PDE9A: variants seen among roughly 807,000 people sequenced by gnomAD.
PDE9A encodes high affinity cGMP-specific 3',5'-cyclic phosphodiesterase 9A.
In PDE9A, 60 loss-of-function variants were observed where a neutral mutation model predicts 87.4. The ratio of observed to expected loss-of-function variants is 0.69; its 90% CI spans 0.56 to 0.85. PDE9A has a LOEUF of 0.85. PDE9A is among the 40% of genes least tolerant of loss of function. PDE9A has a pLI of 0.00. For synonymous variants in PDE9A, 272 were observed against 279.4 expected (o/e 0.97, Z 0.27); for missense variants, 665 against 779.0 (o/e 0.85, Z 1.74).
rs775093945 is a variant in PDE9A, at chr21:42,760,857, A to G, written c.1035A>G (p.Leu345=). 1 of 1,611,790 alleles carries G rather than the reference A, an allele frequency of 6.2e-7. No homozygotes were observed. Among genetic ancestry groups the G allele is most frequent in the East Asian group, 2.2e-5 (1 of 44,850 alleles). ...EKFSQTDILI[L]MTAAICHDLD... ...TCTCACAAACGGATATCCTGATCCT[A>G]ATGACAGCGGCCATCTGCCACGATC... Residue 345 remains leucine (L), a synonymous_variant, in exon 13 of 20, where the codon CTA becomes CTG. Transcript: ENST00000291539. The surrounding 1 kb of genome is among the most constrained non-coding windows in gnomAD (Gnocchi z 5.2).
At chr21:42,753,844 AGAGT>A (rs1216056664) in intron 9 of PDE9A, 142 bp from the exon 10 acceptor site, 5 of 531,530 alleles carry the variant, frequency 9.4e-6, no homozygotes, top group African/African-American at 8.1e-5. Context: ...AGCGTGGGCA[AGAGT>A]GAGACTCTAT....
chr21:42,751,340 T>C (rs1422593715), intron 9 of PDE9A, 143 bp downstream of exon 9: 14 of 701,918 alleles, frequency 2.0e-5, no homozygotes, highest in Non-Finnish European at 3.6e-5. Flanking sequence ...CGGTGCGGGT[T>C]ACTTTAAGGC....
chr21:42,661,296 T>C lies in PDE9A; in HGVS notation c.69+7413T>C, dbSNP rs542368132. ...CGCCCGCCTCAGCCTCCCAAAGTGC[T>C]GGGATTATAGGCGTGAGCCACCACG... On this transcript the variant is annotated intron_variant, in intron 1 of 19. Coordinates refer to ENST00000291539, the MANE Select transcript of PDE9A (RefSeq NM_002606.3). 4.6e-5 allele frequency among the ~76,000 whole-genome samples: 7 copies of C among 151,980 alleles called. No individual in the cohort carries two copies. In the South Asian group the frequency reaches 1.5e-3, roughly 32 times the overall value.
At chr21:42,774,626 A>G (rs1002999148) in intron 19 of PDE9A, among the ~76,000 whole-genome samples, 2 of 152,132 alleles carry the variant, frequency 1.3e-5, no homozygotes, top group Non-Finnish European at 2.9e-5. Context: ...TCACACCTGT[A>G]ATCCCAGAAC....
At chr21:42,699,079 A>G in intron 4 of PDE9A, 68 bp downstream of exon 4, 1 of 985,882 alleles carries the variant, frequency 1.0e-6, no homozygotes, top group South Asian at 1.3e-5. Context: ...CCCCTGTGAT[A>G]AAATATATAC....
intron 1 of PDE9A, among the ~76,000 whole-genome samples, chr21:42,667,663 G>C (rs80291704): frequency 0.017 from 2,592 of 152,172 alleles, 90 homozygotes; most frequent in African/African-American, 0.059. Flanking sequence ...ATCACAACAG[G>C]CCTCTTGCAA....
intron 10 of PDE9A, among the ~76,000 whole-genome samples, chr21:42,756,124 C>T (rs2055017010): frequency 6.6e-6 from 1 of 152,262 alleles, no homozygotes; most frequent in Non-Finnish European, 1.5e-5. Context: ...TGGGTGGCAT[C>T]TCCCACGGCC....
chr21:42,670,244 T>C (rs62642826), intron 1 of PDE9A, among the ~76,000 whole-genome samples: 16,985 of 146,942 alleles, frequency 0.12, 3,082 homozygotes, highest in African/African-American at 0.4. Flanking sequence ...TTCACACTCA[T>C]ACACATACAT....
In PDE9A at chr21:42,659,654, C is replaced by A. The variant is rs1299108916; in HGVS notation, c.69+5771C>A. Among the ~76,000 whole-genome samples the A allele has an allele frequency of 6.6e-6, 1 of 152,208 alleles. No homozygotes were observed. The highest frequency in any genetic ancestry group is 1.5e-5 in the Non-Finnish European group (1 of 68,030). On this transcript the variant is annotated intron_variant, in intron 1 of 19. Transcript: ENST00000291539. The surrounding 1 kb of genome is among the most constrained non-coding windows in gnomAD (Gnocchi z 4.1). ...GACTCTGGAAGCAGCAGTGGCAGCA[C>A]CTTCCTGTCACTTGTCTTGTCACTC...
At chr21:42,677,360 G>A (rs1293803141) in intron 1 of PDE9A, among the ~76,000 whole-genome samples, 1 of 152,184 alleles carries the variant, frequency 6.6e-6, no homozygotes, top group Admixed American at 6.5e-5. Context: ...CCCTGACATA[G>A]ATATGTTTTT....
intron 8 of PDE9A, among the ~76,000 whole-genome samples, 176 bp downstream of exon 8, chr21:42,744,036 T>C (rs1208234584): frequency 6.6e-6 from 1 of 152,134 alleles, no homozygotes; most frequent in Non-Finnish European, 1.5e-5. Context: ...TGCTTGTCAG[T>C]GGTGTGACTT....
chr21:42,688,124 G>A (rs2059579700), intron 3 of PDE9A, 130 bp downstream of exon 3: 2 of 767,962 alleles, frequency 2.6e-6, no homozygotes, highest in African/African-American at 1.7e-5. Flanking sequence ...GGAGAGCGAG[G>A]GTAGGAGCCA....
chr21:42,675,580 G>T lies in PDE9A; in HGVS notation c.70-10612G>T, dbSNP rs2284959. 6.6e-6 allele frequency among the ~76,000 whole-genome samples: 1 copy of T among 152,182 alleles called. No homozygotes were observed. On this transcript the variant is annotated intron_variant, in intron 1 of 19. Transcript: ENST00000291539. The surrounding 1 kb of genome is among the most constrained non-coding windows in gnomAD (Gnocchi z 4.3). ...TACCGCCAACCTGCTTTCCGACAGC[G>T]CTGTGTGGATACACGGGCCCGAACG... is the stretch of plus-strand genomic sequence containing the variant.
chr21:42,764,504 C>T (rs76076986), intron 14 of PDE9A, among the ~76,000 whole-genome samples: 2,817 of 152,298 alleles, frequency 0.018, 48 homozygotes, highest in South Asian at 0.047. Flanking sequence ...AGCAAGTGAA[C>T]GCCCCTTAGT....
chr21:42,751,231 G>T (rs2146983987), intron 9 of PDE9A, 34 bp downstream of exon 9: 1 of 1,476,442 alleles, frequency 6.8e-7, no homozygotes, highest in Middle Eastern at 1.7e-4. Flanking sequence ...AGAAGCTGCA[G>T]CTGTGTCCCC....
At chr21:42,656,589 C>CA (rs11455132) in intron 1 of PDE9A, among the ~76,000 whole-genome samples, 56,094 of 152,096 alleles carry the variant, frequency 0.37, 11,540 homozygotes, top group African/African-American at 0.57. Context: ...AGCCACTTGG[C>CA]GCCAGGCCAA....
chr21:42,743,924 T>G, intron 8 of PDE9A, 64 bp downstream of exon 8: 1 of 908,650 alleles, frequency 1.1e-6, no homozygotes, highest in Non-Finnish European at 1.8e-6. Flanking sequence ...CCAGTTGGGC[T>G]GGGGCTGTGG....
intron 4 of PDE9A, among the ~76,000 whole-genome samples, chr21:42,709,143 TC>T (rs1299858887): frequency 7.2e-5 from 11 of 152,166 alleles, no homozygotes; most frequent in Admixed American, 2.0e-4. Flanking sequence ...CAAGATCATG[TC>T]CTTTGCAGTG....
rs117936859 is a variant in PDE9A, at chr21:42,705,618, C to T, written c.262+6607C>T. Among the ~76,000 whole-genome samples the T allele has an allele frequency of 3.6e-3, 547 of 152,256 alleles. 5 individuals are homozygous for T. Among genetic ancestry groups the T allele is most frequent in the Middle Eastern group, 0.024 (7 of 294 alleles). On this transcript the variant is annotated intron_variant, in intron 4 of 19. Transcript: ENST00000291539. This position sits in a 1 kb window ranked among gnomAD's most constrained non-coding sequence, Gnocchi z 4.3. ...TTTTTGACCAGAGCGTTAGGGAAAG[C>T]GTGCTGCAGTCACACGCCAGGACGG...
Sources: gnomAD v4.1 joint callset for allele counts (sites outside exome capture counted in the v4.1 genomes callset) on GRCh38, gnomAD v4.1.1 for gene constraint, Gnocchi (gnomAD v3.1) non-coding constraint, MANE v1.5 for transcripts, NCBI Gene and HGNC (gene_info 2026-07-23, HGNC 2026-07-21) for gene names.